PLPPR1: variants seen among roughly 807,000 people sequenced by gnomAD.
PLPPR1 encodes the protein phospholipid phosphatase related 1.
A neutral mutation model predicts 33.1 loss-of-function variants in PLPPR1; 10 were observed. That is an observed-to-expected ratio of 0.30 (90% confidence interval 0.19 to 0.51). The LOEUF (loss-of-function observed/expected upper bound fraction) is 0.51, where lower values mean the gene tolerates loss of function less well. PLPPR1 is among the 20% of genes least tolerant of loss of function. The pLI is 0.97. For missense variants in PLPPR1, 304 were observed against 408.1 expected (o/e 0.74, Z 2.20); for synonymous variants, 151 against 151.0 (o/e 1.00, Z 0.00).
At chr9:101,290,896 C>T (rs1033747489) in intron 4 of PLPPR1, among the ~76,000 whole-genome samples, 4 of 152,220 alleles carry the variant, frequency 2.6e-5, no homozygotes, top group African/African-American at 4.8e-5. Flanking sequence ...ATCTGAGGTA[C>T]CTGGTTCATC....
At chr9:101,239,275 G>GT (rs540551967) in intron 2 of PLPPR1, among the ~76,000 whole-genome samples, 1 of 151,708 alleles carries the variant, frequency 6.6e-6, no homozygotes, top group Non-Finnish European at 1.5e-5. Flanking sequence ...TTTATTTTTA[G>GT]TTTTTTCAGA....
intron 1 of PLPPR1, among the ~76,000 whole-genome samples, chr9:101,135,606 T>C (rs1340596696): frequency 1.3e-5 from 2 of 152,170 alleles, no homozygotes; most frequent in African/African-American, 4.8e-5. Context: ...CTCCCTAAGA[T>C]CTGCTGGTTT....
rs555675447 is a variant in PLPPR1 at position 101,213,225 on chromosome 9, T to C, written c.63+27668T>C. 9.8e-5 allele frequency among the ~76,000 whole-genome samples: 15 copies of C among 152,328 alleles called. 1 individual carries two copies. In the South Asian group the frequency reaches 3.1e-3, roughly 32 times the overall value. ...CTACAGTTTATCAGAATTTTTATAATAGTTTAGCCATTTTTATACCTCTTC... is the reference window on the plus strand; with the variant it reads ...CTACAGTTTATCAGAATTTTTATAACAGTTTAGCCATTTTTATACCTCTTC... On this transcript the variant is annotated intron_variant, in intron 2 of 7. Transcript: ENST00000374874.
At chr9:101,144,005 C>T (rs1358861895) in intron 1 of PLPPR1, among the ~76,000 whole-genome samples, 1 of 152,050 alleles carries the variant, frequency 6.6e-6, no homozygotes, top group Non-Finnish European at 1.5e-5. Context: ...GCACTATTCA[C>T]AATAGCAAAG....
At chr9:101,223,711 A>G (rs1250297786) in intron 2 of PLPPR1, among the ~76,000 whole-genome samples, 1 of 152,072 alleles carries the variant, frequency 6.6e-6, no homozygotes, top group African/African-American at 2.4e-5. Context: ...ACCTGTGAAG[A>G]GGTGCCTTCT....
intron 1 of PLPPR1, among the ~76,000 whole-genome samples, chr9:101,155,058 T>G (rs1262695682): frequency 6.6e-6 from 1 of 151,612 alleles, no homozygotes; most frequent in Non-Finnish European, 1.5e-5. Context: ...CATGTATACA[T>G]ACGTAACAAA....
chr9:101,139,834 C>T (rs1005769603), intron 1 of PLPPR1, among the ~76,000 whole-genome samples: 7 of 152,100 alleles, frequency 4.6e-5, no homozygotes, highest in African/African-American at 1.4e-4. Flanking sequence ...GCACAGTCTC[C>T]CTAGAATGGC....
At chr9:101,205,254 C>T (rs1826567018) in intron 2 of PLPPR1, among the ~76,000 whole-genome samples, 1 of 152,078 alleles carries the variant, frequency 6.6e-6, no homozygotes, top group Admixed American at 6.6e-5. Flanking sequence ...CTCTCAAAGA[C>T]CAGATTCAGG....
At chr9:101,093,259 C>T (rs549259880) in intron 1 of PLPPR1, among the ~76,000 whole-genome samples, 1 of 152,194 alleles carries the variant, frequency 6.6e-6, no homozygotes, top group South Asian at 2.1e-4. Context: ...CTGAAACTTC[C>T]CTCCAAGTTA....
intron 1 of PLPPR1, among the ~76,000 whole-genome samples, chr9:101,156,569 AAAAAGAAAGAAAGAAAG>A (rs1165978790): frequency 2.7e-5 from 3 of 110,192 alleles, no homozygotes; most frequent in African/African-American, 8.6e-5. Context: ...AAAAAAAAAA[AAAAAGAAAGAAAGAAAG>A]AAAAAAAAGA....
At chr9:101,285,429 A>T (rs1041155572) in intron 3 of PLPPR1, among the ~76,000 whole-genome samples, 1 of 152,206 alleles carries the variant, frequency 6.6e-6, no homozygotes, top group Non-Finnish European at 1.5e-5. Flanking sequence ...TAGGAGAAAT[A>T]TATCTGAGGC....
At chr9:101,236,696 A>C (rs1827307270) in intron 2 of PLPPR1, among the ~76,000 whole-genome samples, 1 of 151,726 alleles carries the variant, frequency 6.6e-6, no homozygotes, top group Non-Finnish European at 1.5e-5. Context: ...GTAATGATCA[A>C]ATCAGGATAA....
chr9:101,074,770 C>T (rs1192126227), intron 1 of PLPPR1, among the ~76,000 whole-genome samples: 1 of 151,714 alleles, frequency 6.6e-6, no homozygotes, highest in Non-Finnish European at 1.5e-5. Flanking sequence ...AAGTATTGCA[C>T]TAATTATCAA....
intron 2 of PLPPR1, among the ~76,000 whole-genome samples, chr9:101,188,955 T>C (rs1227588116): frequency 6.6e-6 from 1 of 152,108 alleles, no homozygotes; most frequent in African/African-American, 2.4e-5. Flanking sequence ...TTGCTTACTA[T>C]TCCTCTCCTA....
intron 4 of PLPPR1, among the ~76,000 whole-genome samples, chr9:101,296,204 AC>A (rs1828634474): frequency 1.3e-5 from 2 of 151,644 alleles, no homozygotes; most frequent in East Asian, 3.9e-4. Context: ...AAAAATGCTC[AC>A]CATCACTGGC....
chr9:101,322,881 A>C (rs1243404010), intron 7 of PLPPR1, among the ~76,000 whole-genome samples: 1 of 152,186 alleles, frequency 6.6e-6, no homozygotes, highest in Non-Finnish European at 1.5e-5. Context: ...ATGAAAATGC[A>C]TCGTATACAA....
At chr9:101,048,746 G>T (rs1830182483) in intron 1 of PLPPR1, among the ~76,000 whole-genome samples, 1 of 152,140 alleles carries the variant, frequency 6.6e-6, no homozygotes, top group Non-Finnish European at 1.5e-5. Context: ...AATCCTCAGA[G>T]GTCAGGAAAA....
At chr9:101,098,404 A>G (rs1160478375) in intron 1 of PLPPR1, among the ~76,000 whole-genome samples, 1 of 152,132 alleles carries the variant, frequency 6.6e-6, no homozygotes, top group East Asian at 1.9e-4. Flanking sequence ...CTTCTGCAAC[A>G]TTCAGAAGGG....
At chr9:101,317,595 G>A in intron 7 of PLPPR1, 99 bp downstream of exon 7, 6 of 1,201,488 alleles carry the variant, frequency 5.0e-6, no homozygotes, top group Non-Finnish European at 6.9e-6. Context: ...CAGCATCAAT[G>A]AGAATCTGAT....
Sources: gnomAD v4.1 joint callset for allele counts (sites outside exome capture counted in the v4.1 genomes callset) on GRCh38, gnomAD v4.1.1 for gene constraint, MANE v1.5 for transcripts, NCBI Gene and HGNC (gene_info 2026-07-23, HGNC 2026-07-21) for gene names.